FLT3: variants seen among roughly 807,000 people sequenced by gnomAD.
FLT3 encodes the protein fms related receptor tyrosine kinase 3.
In FLT3, 46 loss-of-function variants were observed where a neutral mutation model predicts 126.6. The ratio of observed to expected loss-of-function variants is 0.36; its 90% CI spans 0.29 to 0.46. The LOEUF is 0.46. Among genes scored for constraint, FLT3 ranks in the 20% least tolerant of loss-of-function variants. FLT3 has a pLI of 1.00. For synonymous variants in FLT3, 404 were observed against 434.4 expected, an observed-to-expected ratio of 0.93 and a Z score of 0.87; for missense variants, 1,069 against 1,190.3, an observed-to-expected ratio of 0.90 and a Z score of 1.50.
At chr13:28,099,847 G>C (rs1879702197) in intron 1 of FLT3, among the ~76,000 whole-genome samples, 1 of 152,216 alleles carries the variant, frequency 6.6e-6, no homozygotes. Context: ...GGGACAGCTA[G>C]TATTTTAATA....
chr13:28,075,395 A>T (rs1877859055), intron 1 of FLT3, among the ~76,000 whole-genome samples: 1 of 152,196 alleles, frequency 6.6e-6, no homozygotes, highest in Non-Finnish European at 1.5e-5. Context: ...TATGTACCCC[A>T]TAAATATGTA....
chr13:28,038,742 T>G (rs1593247089), intron 9 of FLT3, among the ~76,000 whole-genome samples: 1 of 152,096 alleles, frequency 6.6e-6, no homozygotes, highest in African/African-American at 2.4e-5. Flanking sequence ...CATGAGCCAC[T>G]GCGCCCAGCC....
Position 28,003,641 on chromosome 13 carries a change from C to T in FLT3, c.*411G>A. ...CTGTAGTAGAAATTTTATTCCCACC[C>T]ATAAAATATATCACTAAATAGCTGA... On this transcript the variant is annotated 3_prime_UTR_variant, in exon 24 of 24. Coordinates refer to ENST00000241453, the MANE Select transcript of FLT3 (RefSeq NM_004119.3). 4.0e-6 allele frequency: 1 copy of T among 247,998 alleles called. No homozygotes were observed. Among genetic ancestry groups the T allele is most frequent in the Non-Finnish European group, 7.9e-6 (1 of 125,816 alleles). The allele number at this position is 247,998 out of a possible 1,614,324, so 15.4% of individuals were successfully genotyped here.
At chr13:28,076,375 G>T (rs1593293340) in intron 1 of FLT3, among the ~76,000 whole-genome samples, 1 of 152,052 alleles carries the variant, frequency 6.6e-6, no homozygotes, top group Non-Finnish European at 1.5e-5. Context: ...GAGAGAATTG[G>T]CTCATGTGAT....
chr13:28,091,212 T>TTTTC (rs1879018587), intron 1 of FLT3, among the ~76,000 whole-genome samples: 1 of 79,654 alleles, frequency 1.3e-5, no homozygotes, highest in African/African-American at 6.1e-5. Context: ...ATTTTCTTTT[T>TTTTC]TTTTTTTTTT....
intron 23 of FLT3, among the ~76,000 whole-genome samples, chr13:28,009,944 C>A (rs151191673): frequency 2.4e-4 from 36 of 152,086 alleles, no homozygotes; most frequent in Non-Finnish European, 1.5e-4. Context: ...TAGTTCAGAC[C>A]CCTTTTCTGA....
In FLT3 at chr13:28,004,100, C is replaced by G. The variant is rs1870673347; in HGVS notation, c.2934G>C (p.Glu978Asp). 6.2e-7 allele frequency: 1 copy of G among 1,614,016 alleles called. No homozygotes were observed. ...GCGGAGAGAGTAGCCCCAAATCCAT[C>G]TCTCTGCTGAAAGGTCGCCTGTTTT... ...TYQNRRPFSREMDLGLLSPQA... is the reference protein window; with the variant it reads ...TYQNRRPFSRDMDLGLLSPQA... Residue 978 changes from glutamate (E) to aspartate (D), a missense_variant, in exon 24 of 24, where the codon GAG (glutamate) becomes GAC (aspartate). Physicochemically the swap from Glu to Asp is conservative, Grantham distance 45 (BLOSUM62 2). Transcript: ENST00000241453.
chr13:28,024,654 T>C (rs527812120), intron 18 of FLT3, among the ~76,000 whole-genome samples: 104 of 152,356 alleles, frequency 6.8e-4, no homozygotes, highest in Non-Finnish European at 1.2e-3. Context: ...TTTAAATGAA[T>C]AATCTGACCA....
At chr13:28,047,117 G>A (rs763481166) in intron 9 of FLT3, among the ~76,000 whole-genome samples, 3 of 152,034 alleles carry the variant, frequency 2.0e-5, no homozygotes, top group East Asian at 1.9e-4. Context: ...GAGTCTGAGC[G>A]TTTTGCCCCA....
intron 1 of FLT3, among the ~76,000 whole-genome samples, chr13:28,079,898 G>A (rs1165207095): frequency 6.6e-6 from 1 of 152,176 alleles, no homozygotes; most frequent in East Asian, 1.9e-4. Flanking sequence ...GGGAAAGGGA[G>A]CAGCCATCAC....
At chr13:28,068,935 T>C (rs1877267800) in intron 2 of FLT3, among the ~76,000 whole-genome samples, 1 of 152,110 alleles carries the variant, frequency 6.6e-6, no homozygotes, top group Non-Finnish European at 1.5e-5. Flanking sequence ...ATTTACTAAA[T>C]ATATGTTTTT....
In FLT3 at chr13:28,018,599, A is replaced by G; in HGVS notation, c.2419-10T>C. 1.2e-6 allele frequency: 2 copies of G among 1,613,908 alleles called. No individual in the cohort carries two copies. Among genetic ancestry groups the G allele is most frequent in the Middle Eastern group, 3.3e-4 (2 of 6,062 alleles). On this transcript the variant is annotated splice_polypyrimidine_tract_variant and intron_variant, in intron 19 of 23. Transcript: ENST00000241453. Reference sequence around the variant, plus strand: ...GGTCTCTGTGAACACACTGTCAAGAATGACACCAGAGTGTTATTTACTGTG... The same window carrying G: ...GGTCTCTGTGAACACACTGTCAAGAGTGACACCAGAGTGTTATTTACTGTG...
chr13:28,028,359 T>C, intron 15 of FLT3, 71 bp from the exon 16 acceptor site: 1 of 807,802 alleles, frequency 1.2e-6, no homozygotes, highest in Non-Finnish European at 2.1e-6. Flanking sequence ...TAAATAAAAT[T>C]TTTCTCAGCT....
chr13:28,007,789 G>C (rs1871041614), intron 23 of FLT3, among the ~76,000 whole-genome samples: 1 of 152,132 alleles, frequency 6.6e-6, no homozygotes, highest in Non-Finnish European at 1.5e-5. Context: ...AGGATTAAGA[G>C]TTATTAATTT....
intron 1 of FLT3, among the ~76,000 whole-genome samples, chr13:28,091,413 G>T (rs1448540902): frequency 6.7e-6 from 1 of 149,124 alleles, no homozygotes; most frequent in African/African-American, 2.5e-5. Context: ...AGTAGAGACG[G>T]GGTTTCACCG....
rs373935282 is a variant in FLT3, at chr13:28,034,223, A to G, written c.1705-9T>C. On this transcript the variant is annotated splice_polypyrimidine_tract_variant and intron_variant, in intron 13 of 23. Transcript: ENST00000241453. Reference sequence around the variant, plus strand: ...CTTTCATACCTAAATTGCTTCAGAGATGAAATGATGAGTCAGTTAGGAATA... The same window carrying G: ...CTTTCATACCTAAATTGCTTCAGAGGTGAAATGATGAGTCAGTTAGGAATA... 1.9e-6 allele frequency: 3 copies of G among 1,613,866 alleles called. No homozygotes were observed. Among genetic ancestry groups the G allele is most frequent in the African/African-American group, 2.7e-5 (2 of 74,938 alleles).
chr13:28,091,388 AT>A (rs899065003), intron 1 of FLT3, among the ~76,000 whole-genome samples: 1 of 146,870 alleles, frequency 6.8e-6, no homozygotes, highest in South Asian at 2.2e-4. Flanking sequence ...CGCCCGGCTA[AT>A]TTTTTGTATT....
intron 1 of FLT3, among the ~76,000 whole-genome samples, chr13:28,091,999 G>C (rs1306613934): frequency 1.3e-5 from 2 of 152,176 alleles, no homozygotes; most frequent in Non-Finnish European, 2.9e-5. Flanking sequence ...GAACCCAGGA[G>C]GCAGAGGTTG....
rs73436958 is a variant in FLT3, at chr13:28,018,776, C to T, written c.2419-187G>A. On this transcript the variant is annotated intron_variant, in intron 19 of 23. Transcript: ENST00000241453. ...AGTGAATATAGGAGACCTAATTCTGCAGCTATGGTGGCTGCAGTTCTTTGT... is the reference window on the plus strand; with the variant it reads ...AGTGAATATAGGAGACCTAATTCTGTAGCTATGGTGGCTGCAGTTCTTTGT... Among the ~76,000 whole-genome samples the T allele has an allele frequency of 0.091, 13,780 of 152,152 alleles. 1,668 individuals carry two copies. The highest frequency in any genetic ancestry group is 0.28 in the African/African-American group (11,736 of 41,448).
Sources: gnomAD v4.1 joint callset for allele counts (sites outside exome capture counted in the v4.1 genomes callset) on GRCh38, gnomAD v4.1.1 for gene constraint, MANE v1.5 for transcripts, NCBI Gene and HGNC (gene_info 2026-07-23, HGNC 2026-07-21) for gene names.